The following ACOXL variants were observed in gnomAD, a reference collection of about 807,000 sequenced individuals.
The protein encoded by ACOXL is acyl-coenzyme A oxidase-like protein.
Under a neutral mutation model 71.9 loss-of-function variants are expected in ACOXL, and 70 were observed. That is an observed-to-expected ratio of 0.97 (90% CI 0.80 to 1.19). The LOEUF (loss-of-function observed/expected upper bound fraction) is 1.19. ACOXL is among the 50% of genes most tolerant of loss of function. The pLI, the probability that ACOXL is intolerant of heterozygous loss-of-function variation, is 0.00. For synonymous variants in ACOXL, 253 were observed against 281.6 expected, an observed-to-expected ratio of 0.90 and a Z score of 1.02; for missense variants, 703 against 736.3, an observed-to-expected ratio of 0.95 and a Z score of 0.52.
At chr2:111,034,038 C>G (rs2065396635) in intron 15 of ACOXL, among the ~76,000 whole-genome samples, 1 of 152,210 alleles carries the variant, frequency 6.6e-6, no homozygotes, top group Admixed American at 6.5e-5. Flanking sequence ...CACAGTGGAG[C>G]TTAGTGAGGA....
intron 9 of ACOXL, among the ~76,000 whole-genome samples, chr2:110,832,544 C>CAAAA (rs769471148): frequency 6.8e-5 from 3 of 44,252 alleles, no homozygotes; most frequent in African/African-American, 1.7e-4. Flanking sequence ...GACTCCATCT[C>CAAAA]AAAAAAAAAA....
At chr2:110,889,154 G>A (rs537889101) in intron 10 of ACOXL, among the ~76,000 whole-genome samples, 36 of 152,148 alleles carry the variant, frequency 2.4e-4, no homozygotes, top group Non-Finnish European at 4.9e-4. Context: ...GCACTCAACT[G>A]TATAGAACCT....
At chr2:110,751,680 T>C (rs1313111018) in intron 1 of ACOXL, among the ~76,000 whole-genome samples, 3 of 152,286 alleles carry the variant, frequency 2.0e-5, no homozygotes, top group Middle Eastern at 6.8e-3. Flanking sequence ...TCAAAATACA[T>C]AGAACATTAT....
chr2:111,062,133 C>T lies in ACOXL; in HGVS notation c.1440+12845C>T, dbSNP rs555879627. 2.0e-5 allele frequency among the ~76,000 whole-genome samples: 3 copies of T among 151,964 alleles called. No homozygotes were observed. The South Asian group carries it at 6.2e-4, about 32-fold the overall frequency. ...TTGAAAGCAAAAGGGTCAAAAATAACACATCATGCAAATATTAATTAAAAG... is the reference window on the plus strand; with the variant it reads ...TTGAAAGCAAAAGGGTCAAAAATAATACATCATGCAAATATTAATTAAAAG... On this transcript the variant is annotated intron_variant, in intron 16 of 17. Coordinates refer to ENST00000439055, the MANE Select transcript of ACOXL (RefSeq NM_001142807.4).
intron 10 of ACOXL, among the ~76,000 whole-genome samples, chr2:110,886,033 A>C (rs1383846443): frequency 6.6e-6 from 1 of 152,190 alleles, no homozygotes; most frequent in Non-Finnish European, 1.5e-5. Flanking sequence ...AATAATTTTA[A>C]AAATTATTTT....
chr2:111,054,993 C>T (rs1205630654), intron 16 of ACOXL, among the ~76,000 whole-genome samples: 1 of 152,206 alleles, frequency 6.6e-6, no homozygotes, highest in East Asian at 1.9e-4. Context: ...GGTTTAGAAG[C>T]ACCTCAGCAA....
chr2:110,743,061 T>C (rs1677745222), intron 1 of ACOXL, among the ~76,000 whole-genome samples: 1 of 152,200 alleles, frequency 6.6e-6, no homozygotes, highest in Non-Finnish European at 1.5e-5. Context: ...AATCACTCCC[T>C]TTCACCCTTC....
At chr2:111,079,759 G>A (rs1247775530) in intron 16 of ACOXL, among the ~76,000 whole-genome samples, 1 of 151,952 alleles carries the variant, frequency 6.6e-6, no homozygotes, top group African/African-American at 2.4e-5. Flanking sequence ...GAAAGAGATG[G>A]GGGAAGTCAT....
intron 12 of ACOXL, among the ~76,000 whole-genome samples, chr2:110,962,573 T>C (rs2061743118): frequency 6.6e-6 from 1 of 152,156 alleles, no homozygotes; most frequent in Non-Finnish European, 1.5e-5. Context: ...GGACTGATGC[T>C]AACAAGTTTT....
At chr2:110,845,473 GT>G (rs1691709786) in intron 10 of ACOXL, among the ~76,000 whole-genome samples, 1 of 152,164 alleles carries the variant, frequency 6.6e-6, no homozygotes, top group African/African-American at 2.4e-5. Flanking sequence ...TAAGTGTATA[GT>G]TTAGTGGCAT....
chr2:110,784,651 T>C, intron 2 of ACOXL, 81 bp from the exon 3 acceptor site: 4 of 1,039,586 alleles, frequency 3.8e-6, no homozygotes, highest in Non-Finnish European at 5.5e-6. Context: ...AAAAGTAACA[T>C]GCATTTCTTA....
At chr2:111,069,629 G>A (rs550525647) in intron 16 of ACOXL, among the ~76,000 whole-genome samples, 2 of 152,214 alleles carry the variant, frequency 1.3e-5, no homozygotes, top group South Asian at 2.1e-4. Context: ...TTTAACCTTC[G>A]AAGTAAAGAC....
At chr2:110,828,590 C>T (rs903596822) in intron 9 of ACOXL, among the ~76,000 whole-genome samples, 12 of 152,202 alleles carry the variant, frequency 7.9e-5, no homozygotes, top group African/African-American at 2.9e-4. Flanking sequence ...GAGCGTTGTA[C>T]TATCCTTGTG....
chr2:110,739,941 G>A (rs991270365), intron 1 of ACOXL, among the ~76,000 whole-genome samples: 8 of 152,152 alleles, frequency 5.3e-5, no homozygotes, highest in African/African-American at 1.9e-4. Flanking sequence ...TTTTATTATT[G>A]AATATCCCTG....
At chr2:111,051,864 A>C (rs1407882944) in intron 16 of ACOXL, among the ~76,000 whole-genome samples, 6 of 152,352 alleles carry the variant, frequency 3.9e-5, no homozygotes, top group East Asian at 1.9e-4. Context: ...AGATCTGAGC[A>C]CAAATATTTA....
intron 17 of ACOXL, among the ~76,000 whole-genome samples, chr2:111,105,097 T>C (rs1300282407): frequency 6.6e-6 from 1 of 152,148 alleles, no homozygotes; most frequent in African/African-American, 2.4e-5. Context: ...GAAAAGGCTA[T>C]ATTTCCCATG....
chr2:110,858,618 G>T (rs35174008), intron 10 of ACOXL, among the ~76,000 whole-genome samples: 3 of 152,188 alleles, frequency 2.0e-5, no homozygotes, highest in Admixed American at 6.5e-5. Flanking sequence ...GTATGCACCA[G>T]CAGGCTGAAC....
intron 9 of ACOXL, among the ~76,000 whole-genome samples, chr2:110,806,569 C>T (rs1686666956): frequency 6.6e-6 from 1 of 152,004 alleles, no homozygotes; most frequent in Admixed American, 6.6e-5. Flanking sequence ...ATAGAAAAGC[C>T]AGACGAGCCT....
intron 12 of ACOXL, among the ~76,000 whole-genome samples, chr2:110,952,079 G>A (rs976490284): frequency 1.3e-5 from 2 of 152,108 alleles, no homozygotes; most frequent in Non-Finnish European, 2.9e-5. Context: ...TGACTATTTG[G>A]TACAAATATA....
Sources: allele counts gnomAD v4.1 joint callset (sites outside exome capture counted in the v4.1 genomes callset), GRCh38; gene constraint gnomAD v4.1.1; transcripts MANE v1.5; gene names NCBI Gene and HGNC (gene_info 2026-07-23, HGNC 2026-07-21).